Variants in CAMTA1 observed in about 807,000 individuals in gnomAD.
CAMTA1 encodes the protein calmodulin binding transcription activator 1.
In CAMTA1, 27 loss-of-function variants were observed where a neutral mutation model predicts 170.9. The ratio of observed to expected loss-of-function variants is 0.16; its 90% confidence interval spans 0.12 to 0.22. The LOEUF is 0.22. Ranked by LOEUF, CAMTA1 falls within the 10% of genes least tolerant of loss-of-function variation. CAMTA1 has a pLI of 1.00. For missense variants in CAMTA1, 1,619 were observed against 2,217.2 expected (o/e 0.73, Z 5.42); for synonymous variants, 833 against 891.5 (o/e 0.93, Z 1.17).
At chr1:6,969,857 T>G (rs546716257) in intron 3 of CAMTA1, among the ~76,000 whole-genome samples, 91 of 152,334 alleles carry the variant, frequency 6.0e-4, no homozygotes, top group Admixed American at 2.3e-3. Flanking sequence ...GGGGGCCTCA[T>G]GTAGCCTTGG....
chr1:7,049,396 C>T (rs1705935037), intron 3 of CAMTA1, among the ~76,000 whole-genome samples: 1 of 152,194 alleles, frequency 6.6e-6, no homozygotes, highest in East Asian at 1.9e-4. Flanking sequence ...ATCGATCCTG[C>T]TATGCATATT....
chr1:7,154,656 G>C (rs1646762138), intron 4 of CAMTA1, among the ~76,000 whole-genome samples: 1 of 152,216 alleles, frequency 6.6e-6, no homozygotes, highest in Non-Finnish European at 1.5e-5. Flanking sequence ...GGTGCTGATG[G>C]TGGGGTTCCA....
At chr1:7,660,582 C>T (rs1258714492) in intron 7 of CAMTA1, among the ~76,000 whole-genome samples, 1 of 152,154 alleles carries the variant, frequency 6.6e-6, no homozygotes, top group African/African-American at 2.4e-5. Flanking sequence ...CATGTCTGAA[C>T]CGAGCCAGCT....
chr1:7,401,508 G>C (rs1286124075), intron 5 of CAMTA1, among the ~76,000 whole-genome samples: 1 of 151,316 alleles, frequency 6.6e-6, no homozygotes, highest in Non-Finnish European at 1.5e-5. Flanking sequence ...TTTAGAATTA[G>C]TTTGTTCACT....
At chr1:7,322,260 A>G (rs1293609405) in intron 5 of CAMTA1, among the ~76,000 whole-genome samples, 6 of 152,176 alleles carry the variant, frequency 3.9e-5, no homozygotes, top group Admixed American at 1.3e-4. Flanking sequence ...CGGCCCCACA[A>G]TCGAAGGCTC....
intron 3 of CAMTA1, among the ~76,000 whole-genome samples, chr1:6,916,360 A>G (rs935701649): frequency 1.3e-5 from 2 of 152,190 alleles, no homozygotes; most frequent in African/African-American, 2.4e-5. Context: ...ATCCAGATCC[A>G]GGAGCCGCCG....
At chr1:6,957,065 G>A (rs1460655034) in intron 3 of CAMTA1, among the ~76,000 whole-genome samples, 1 of 152,248 alleles carries the variant, frequency 6.6e-6, no homozygotes, top group African/African-American at 2.4e-5. Flanking sequence ...GAGCGCCTTG[G>A]ATGTGGGGCT....
intron 3 of CAMTA1, among the ~76,000 whole-genome samples, chr1:6,847,423 G>A (rs778008785): frequency 1.6e-4 from 24 of 152,142 alleles, no homozygotes; most frequent in Non-Finnish European, 3.1e-4. Context: ...AGTAGTTTGA[G>A]TTGCTTGGAT....
At chr1:7,601,390 T>G (rs1335379470) in intron 6 of CAMTA1, among the ~76,000 whole-genome samples, 119 of 126,262 alleles carry the variant, frequency 9.4e-4, no homozygotes, top group South Asian at 1.3e-3. Flanking sequence ...ATGGGCGGCC[T>G]GGCAGAGACG....
chr1:6,964,613 A>C (rs1691188660), intron 3 of CAMTA1, among the ~76,000 whole-genome samples: 1 of 152,186 alleles, frequency 6.6e-6, no homozygotes, highest in African/African-American at 2.4e-5. Flanking sequence ...ACATTTTCTT[A>C]TTCTCTTGCC....
chr1:7,257,076 C>CGG (rs146110106), intron 5 of CAMTA1, among the ~76,000 whole-genome samples: 2,185 of 134,588 alleles, frequency 0.016, 67 homozygotes, highest in Non-Finnish European at 0.021. Flanking sequence ...CATCGCATGG[C>CGG]GGGGGCGGGG....
chr1:7,538,061 T>A (rs372093351), intron 6 of CAMTA1, among the ~76,000 whole-genome samples: 187 of 152,330 alleles, frequency 1.2e-3, no homozygotes, highest in African/African-American at 4.3e-3. Flanking sequence ...ACCACGGAGC[T>A]AATGATGCTC....
intron 11 of CAMTA1, among the ~76,000 whole-genome samples, chr1:7,703,245 GGA>G (rs983772587): frequency 1.2e-4 from 19 of 152,154 alleles, no homozygotes; most frequent in African/African-American, 4.6e-4. Flanking sequence ...CAGATAAAGG[GGA>G]GGAGTTGCAT....
intron 6 of CAMTA1, among the ~76,000 whole-genome samples, chr1:7,566,139 A>T (rs1373825309): frequency 6.6e-6 from 1 of 152,174 alleles, no homozygotes; most frequent in African/African-American, 2.4e-5. Context: ...GGAAAAAAAG[A>T]TGGAGGTTTT....
intron 3 of CAMTA1, among the ~76,000 whole-genome samples, chr1:6,839,386 A>C (rs1654730425): frequency 6.7e-6 from 1 of 149,916 alleles, no homozygotes; most frequent in Non-Finnish European, 1.5e-5. Flanking sequence ...TCTTAAAAAA[A>C]CAAAAAACAA....
chr1:6,958,956 A>G (rs1442352153), intron 3 of CAMTA1, among the ~76,000 whole-genome samples: 3 of 152,206 alleles, frequency 2.0e-5, no homozygotes, highest in Non-Finnish European at 4.4e-5. Flanking sequence ...GCAGTACTTG[A>G]TAATGCTGTA....
intron 3 of CAMTA1, among the ~76,000 whole-genome samples, chr1:7,026,256 G>T (rs1557990643): frequency 6.6e-6 from 1 of 152,212 alleles, no homozygotes; most frequent in Non-Finnish European, 1.5e-5. Context: ...GAGGCGTGAG[G>T]CAGGCAGCAG....
At chr1:7,564,766 G>A (rs2095016155) in intron 6 of CAMTA1, among the ~76,000 whole-genome samples, 1 of 152,182 alleles carries the variant, frequency 6.6e-6, no homozygotes, top group South Asian at 2.1e-4. Flanking sequence ...GTCCTGGGAG[G>A]CACGTGAAGC....
At chr1:7,649,138 A>G (rs2149014770) in intron 7 of CAMTA1, among the ~76,000 whole-genome samples, 1 of 152,388 alleles carries the variant, frequency 6.6e-6, no homozygotes, top group Non-Finnish European at 1.5e-5. Context: ...ATACGACTCT[A>G]GAAGTTTCCT....
Sources: allele counts gnomAD v4.1 joint callset (sites outside exome capture counted in the v4.1 genomes callset), GRCh38; gene constraint gnomAD v4.1.1; transcripts MANE v1.5; gene names NCBI Gene and HGNC (gene_info 2026-07-23, HGNC 2026-07-21).